Variants in CCDC18 observed in about 807,000 individuals in gnomAD.
The protein encoded by CCDC18 is coiled-coil domain-containing protein 18.
A neutral mutation model predicts 196.0 loss-of-function variants in CCDC18; 157 were observed. The observed-to-expected ratio is 0.80, with a 90% CI of 0.70 to 0.91. CCDC18 has a LOEUF of 0.91. Ranked by LOEUF, CCDC18 falls within the 40% of genes least tolerant of loss-of-function variation. The pLI is 0.00. For synonymous variants in CCDC18, 482 were observed against 529.2 expected (o/e 0.91, Z 1.22); for missense variants, 1,465 against 1,611.6 (o/e 0.91, Z 1.56).
chr1:93,186,303 T>C, intron 3 of CCDC18, 42 bp from the exon 4 acceptor site: 1 of 1,553,270 alleles, frequency 6.4e-7, no homozygotes, highest in Non-Finnish European at 8.8e-7. Flanking sequence ...AACCCTTAAT[T>C]GAAATAATTG....
intron 7 of CCDC18, among the ~76,000 whole-genome samples, chr1:93,202,338 A>C (rs1399054114): frequency 6.6e-6 from 1 of 152,226 alleles, no homozygotes; most frequent in African/African-American, 2.4e-5. Flanking sequence ...TGTAGCTTTC[A>C]ACTGGTCTCC....
Position 93,183,478 on chromosome 1 carries a change from A to C in CCDC18, c.117A>C (p.Leu39Phe), listed in dbSNP as rs202201009. ...TAACAGAATGGAGTTTGCAGAGTTTAGGGGAAGAGTTATCCAGGTAAGTAA... is the reference window on the plus strand; with the variant it reads ...TAACAGAATGGAGTTTGCAGAGTTTCGGGGAAGAGTTATCCAGGTAAGTAA... ...LKITEWSLQS[L>F]GEELSSVSPS... is the part of the protein sequence containing the mutation. Residue 39 changes from leucine (L) to phenylalanine (F), a missense_variant, in exon 2 of 29, where the codon TTA (leucine) becomes TTC (phenylalanine). Coordinates refer to ENST00000690025, the MANE Select transcript of CCDC18 (RefSeq NM_001378204.1). The C allele has an allele frequency of 6.3e-7, 1 of 1,595,660 alleles. No homozygotes were observed. The highest frequency in any genetic ancestry group is 1.3e-5 in the African/African-American group (1 of 74,312).
At chr1:93,250,744 T>TTTTTTTTTTTTTTTTTGAGACG (rs1662127418) in intron 23 of CCDC18, among the ~76,000 whole-genome samples, 1 of 151,918 alleles carries the variant, frequency 6.6e-6, no homozygotes, top group African/African-American at 2.4e-5. Context: ...CTACTGTCTT[T>TTTTTTTTTTTTTTTTTGAGACG]GATCTGTAGT....
intron 24 of CCDC18, 61 bp downstream of exon 24, chr1:93,254,675 T>G (rs1662701688): frequency 6.7e-7 from 1 of 1,484,852 alleles, no homozygotes; most frequent in Non-Finnish European, 9.2e-7. Context: ...AAATGAATCT[T>G]TATGTTTTAA....
At chr1:93,242,077 A>G (rs977928879) in intron 21 of CCDC18, among the ~76,000 whole-genome samples, 9 of 152,244 alleles carry the variant, frequency 5.9e-5, no homozygotes, top group Non-Finnish European at 1.2e-4. Flanking sequence ...TTGAAAACAG[A>G]TATCTAAGCA....
chr1:93,257,561 T>C (rs1570602748), intron 25 of CCDC18, among the ~76,000 whole-genome samples: 1 of 152,206 alleles, frequency 6.6e-6, no homozygotes, highest in East Asian at 1.9e-4. Flanking sequence ...CCATAGGAAC[T>C]GAATTAAAAT....
intron 21 of CCDC18, among the ~76,000 whole-genome samples, 167 bp from the exon 22 acceptor site, chr1:93,245,938 A>G (rs999874692): frequency 6.6e-6 from 1 of 152,120 alleles, no homozygotes; most frequent in African/African-American, 2.4e-5. Flanking sequence ...ATTGATGTCA[A>G]TCTTTTTCTT....
At position 93,256,434 on chromosome 1, in the gene CCDC18, C is replaced by A. The variant is rs779762735; in HGVS notation, c.3442C>A (p.His1148Asn). Residue 1148 changes from histidine (H) to asparagine (N), a missense_variant, in exon 25 of 29, where the codon CAT becomes AAT. Transcript: ENST00000690025. The stretch of plus-strand genomic sequence containing the variant: ...GACCCGGGAGCAGGTGCAGAACTCT[C>A]ATACAGAATTGGCAGAGGCTCGTCA... ...RLTREQVQNS[H>N]TELAEARHQQ... 13 of 1,613,954 alleles carry A rather than the reference C, an allele frequency of 8.1e-6. No individual in the cohort carries two copies. In the East Asian group the frequency reaches 1.8e-4, roughly 22 times the overall value.
At position 93,207,397 on chromosome 1, in the gene CCDC18, CAGTA is replaced by C; in HGVS notation, c.1209+4_1209+7del. On this transcript the variant is annotated splice_donor_variant and splice_donor_region_variant and coding_sequence_variant and intron_variant, in exon 9 of 29. Transcript: ENST00000690025. LOFTEE classifies it high-confidence loss of function. ...TTGGAAAAGATTATATCCCAGTTGC[CAGTA>C]AGTATGTGTGATTACGTAATGGAAA... 2 of 1,582,590 alleles carry C rather than the reference CAGTA, an allele frequency of 1.3e-6. No homozygotes were observed. The highest frequency in any genetic ancestry group is 1.2e-5 in the South Asian group (1 of 85,622).
In CCDC18 at chr1:93,193,561, C is replaced by A. The variant is rs539051770; in HGVS notation, c.570-55C>A. 4.9e-5 allele frequency: 57 copies of A among 1,154,722 alleles called. No homozygotes were observed. In the East Asian group the frequency reaches 1.2e-3, roughly 25 times the overall value. The allele number at this position is 1,154,722 out of a possible 1,614,324, so 71.5% of individuals were successfully genotyped here. On this transcript the variant is annotated intron_variant, in intron 5 of 28. Coordinates refer to ENST00000690025, the MANE Select transcript of CCDC18 (RefSeq NM_001378204.1). The stretch of plus-strand genomic sequence containing the variant: ...AATTCCTAATATTAAATTATTCTTG[C>A]ATACCTGGGATAATCTCTTTAGTAG...
At chr1:93,223,948 A>G (rs1657884606) in intron 16 of CCDC18, among the ~76,000 whole-genome samples, 1 of 150,926 alleles carries the variant, frequency 6.6e-6, no homozygotes, top group Non-Finnish European at 1.5e-5. Context: ...CACATTTGCA[A>G]GTGGTTTGTA....
chr1:93,208,501 T>G (rs887382799), intron 9 of CCDC18, among the ~76,000 whole-genome samples: 24 of 151,938 alleles, frequency 1.6e-4, no homozygotes, highest in Admixed American at 6.6e-5. Flanking sequence ...TTCACCACAT[T>G]GGTCAAACGG....
At chr1:93,230,363 G>A (rs1228324546) in intron 17 of CCDC18, among the ~76,000 whole-genome samples, 1 of 151,326 alleles carries the variant, frequency 6.6e-6, no homozygotes, top group African/African-American at 2.4e-5. Context: ...GTGGTGGTGG[G>A]CGCCTGTAGT....
chr1:93,256,651 G>C, intron 25 of CCDC18, 113 bp downstream of exon 25: 1 of 834,140 alleles, frequency 1.2e-6, no homozygotes, highest in Non-Finnish European at 1.9e-6. Flanking sequence ...ACAACAGTGT[G>C]AATGTACTTA....
intron 23 of CCDC18, among the ~76,000 whole-genome samples, chr1:93,253,806 G>A (rs1328318697): frequency 6.6e-6 from 1 of 152,168 alleles, no homozygotes; most frequent in African/African-American, 2.4e-5. Flanking sequence ...GCTGTTTCCA[G>A]GCTTGAACCC....
Position 93,214,773 on chromosome 1 carries a change from C to G in CCDC18, c.1526C>G (p.Thr509Ser). 6.2e-7 allele frequency: 1 copy of G among 1,612,180 alleles called. No homozygotes were observed. The highest frequency in any genetic ancestry group is 1.1e-5 in the South Asian group (1 of 90,992). ...AGCGTAAAAGATCAAAATCAACATA[C>G]TATGAACAAGCAATATGAAAAAGAG... is the stretch of plus-strand genomic sequence containing the variant. ...AESVKDQNQH[T>S]MNKQYEKERQ... The change falls in exon 12 of 29, where the codon ACT (threonine) becomes AGT (serine). Residue 509 changes from threonine to serine, a missense_variant. Transcript: ENST00000690025.
intron 3 of CCDC18, among the ~76,000 whole-genome samples, chr1:93,185,810 TAA>T (rs1650565559): frequency 6.6e-6 from 1 of 151,896 alleles, no homozygotes; most frequent in Non-Finnish European, 1.5e-5. Flanking sequence ...TCACTCAAAA[TAA>T]AGTTAATTAA....
rs558560907 is a variant in CCDC18, at chr1:93,229,287, G to C, written c.2292+2838G>C. ...TTACTTAAAAGGTCATCTGTCACAT[G>C]TTCATGTGTATTGATAAAAAACGTG... is the stretch of plus-strand genomic sequence containing the variant. On this transcript the variant is annotated intron_variant, in intron 17 of 28. Transcript: ENST00000690025. Among the ~76,000 whole-genome samples, 22 of 152,320 alleles carry C rather than the reference G, an allele frequency of 1.4e-4. No homozygotes were observed. The East Asian group carries it at 3.1e-3, about 21-fold the overall frequency.
rs777599028 is a variant in CCDC18, at chr1:93,239,713, C to T, written c.2798C>T (p.Thr933Ile). Residue 933 changes from threonine (T) to isoleucine (I), a missense_variant, in exon 21 of 29, where the codon ACT becomes ATT. Transcript: ENST00000690025. ...VKELEKLQHS[T>I]ETELTEALQK... ...GAGTTAGAAAAGTTACAGCACAGTA[C>T]TGAAACTGAACTAACAGAAGCCTTG... 15 of 1,613,306 alleles carry T rather than the reference C, an allele frequency of 9.3e-6. No homozygotes were observed. Among genetic ancestry groups the T allele is most frequent in the Non-Finnish European group, 1.3e-5 (15 of 1,179,432 alleles).
Sources: gnomAD v4.1 joint callset for allele counts (sites outside exome capture counted in the v4.1 genomes callset) on GRCh38, gnomAD v4.1.1 for gene constraint, MANE v1.5 for transcripts, NCBI Gene and HGNC (gene_info 2026-07-23, HGNC 2026-07-21) for gene names.